The following SNX29 variants were observed in gnomAD, a reference collection of about 807,000 sequenced individuals.
SNX29 encodes the protein sorting nexin 29, also known as sorting nexin-29.
SNX29 carries 78 observed loss-of-function variants against 102.1 expected under a neutral mutation model. The ratio of observed to expected loss-of-function variants is 0.76; its 90% confidence interval spans 0.64 to 0.92. SNX29 has a LOEUF of 0.92. Among genes scored for constraint, SNX29 ranks in the 40% least tolerant of loss-of-function variants. SNX29 has a pLI of 0.00. For missense variants in SNX29, 1,280 were observed against 1,061.7 expected, an observed-to-expected ratio of 1.21 and a Z score of -2.86; for synonymous variants, 580 against 414.5, an observed-to-expected ratio of 1.40 and a Z score of -4.85.
At chr16:12,359,636 T>A in intron 16 of SNX29, among the ~76,000 whole-genome samples, 1 of 152,324 alleles carries the variant, frequency 6.6e-6, no homozygotes, top group Non-Finnish European at 1.5e-5. Context: ...CAAAAACCCA[T>A]GTCCCTATCA....
intron 14 of SNX29, among the ~76,000 whole-genome samples, chr16:12,239,093 G>C (rs1355715855): frequency 2.0e-5 from 3 of 152,210 alleles, no homozygotes; most frequent in Non-Finnish European, 4.4e-5. Flanking sequence ...CACTTTGATG[G>C]AAGGGGCGTG....
rs12928426 is a variant in SNX29 at position 12,567,721 on chromosome 16, G to C, written c.2319-785G>C. ...AGGCTGCAGCAAGTTATCATTACAC[G>C]ATTGCACTGTAAAACCTGGGCAAGA... On this transcript the variant is annotated intron_variant, in intron 20 of 20. Coordinates refer to ENST00000566228, the MANE Select transcript of SNX29 (RefSeq NM_032167.5). Among the ~76,000 whole-genome samples, 98 of 152,088 alleles carry C rather than the reference G, an allele frequency of 6.4e-4. 1 individual carries two copies. The highest frequency in any genetic ancestry group is 2.2e-3 in the African/African-American group (92 of 41,490).
intron 18 of SNX29, among the ~76,000 whole-genome samples, chr16:12,470,527 G>A (rs145935760): frequency 2.3e-4 from 35 of 152,262 alleles, no homozygotes; most frequent in African/African-American, 7.9e-4. Context: ...GAGGTGCACC[G>A]AGCTTGTTCT....
At chr16:12,077,386 G>GT (rs1342348274) in intron 10 of SNX29, among the ~76,000 whole-genome samples, 3 of 142,786 alleles carry the variant, frequency 2.1e-5, no homozygotes, top group African/African-American at 7.9e-5. Context: ...TCCTAGTCAT[G>GT]GTGTGTGTGT....
intron 20 of SNX29, among the ~76,000 whole-genome samples, chr16:12,552,362 A>T (rs990673342): frequency 1.3e-4 from 20 of 152,138 alleles, no homozygotes; most frequent in Non-Finnish European, 2.9e-4. Context: ...ATAAGCCAAT[A>T]CACGTGTAAG....
intron 14 of SNX29, among the ~76,000 whole-genome samples, chr16:12,222,491 C>T (rs940236738): frequency 3.4e-4 from 52 of 152,282 alleles, no homozygotes; most frequent in African/African-American, 1.1e-3. Context: ...GGCAGCTTCC[C>T]GCTGGGCTTC....
intron 18 of SNX29, among the ~76,000 whole-genome samples, chr16:12,464,100 G>C (rs1263159443): frequency 6.6e-6 from 1 of 151,872 alleles, no homozygotes; most frequent in Non-Finnish European, 1.5e-5. Flanking sequence ...CCGCCTGTAA[G>C]TGAAGTCAGG....
At chr16:12,320,356 C>T (rs1018343485) in intron 15 of SNX29, among the ~76,000 whole-genome samples, 8 of 152,086 alleles carry the variant, frequency 5.3e-5, no homozygotes, top group African/African-American at 1.9e-4. Flanking sequence ...AGAACCATGC[C>T]TGTCTTCCTG....
chr16:12,543,267 C>T (rs978889619), intron 20 of SNX29, among the ~76,000 whole-genome samples: 3 of 152,202 alleles, frequency 2.0e-5, no homozygotes, highest in African/African-American at 7.2e-5. Context: ...TCTGGGTCAT[C>T]AGCGCATGCA....
At chr16:12,357,971 ATTATATGACTGTG>A (rs1038794782) in intron 16 of SNX29, among the ~76,000 whole-genome samples, 15 of 152,242 alleles carry the variant, frequency 9.9e-5, no homozygotes, top group African/African-American at 3.6e-4. Context: ...AATTTTGCTG[ATTATATGACTGTG>A]TCGTTGGGTG....
At chr16:12,556,212 C>G (rs544250417) in intron 20 of SNX29, 2 of 152,276 alleles carry the variant, frequency 1.3e-5, no homozygotes, top group South Asian at 2.1e-4. Context: ...AACCTAGGGT[C>G]TTCCAATTGT....
intron 20 of SNX29, among the ~76,000 whole-genome samples, chr16:12,544,589 T>C (rs934327008): frequency 3.3e-5 from 5 of 152,226 alleles, no homozygotes; most frequent in African/African-American, 4.8e-5. Context: ...AGGCATTTCT[T>C]AATGAGTTGT....
chr16:12,462,843 C>T (rs187027557), intron 18 of SNX29, among the ~76,000 whole-genome samples: 13 of 152,342 alleles, frequency 8.5e-5, no homozygotes, highest in Admixed American at 3.3e-4. Flanking sequence ...TTTAGCAATG[C>T]ACATGGCTAA....
chr16:12,512,227 GC>G (rs2089651699), intron 19 of SNX29, among the ~76,000 whole-genome samples: 4 of 150,988 alleles, frequency 2.6e-5, no homozygotes, highest in Admixed American at 6.6e-5. Flanking sequence ...GTGTGAAAGT[GC>G]CCAGGGAGTG....
intron 20 of SNX29, among the ~76,000 whole-genome samples, chr16:12,560,137 C>CG (rs1164479707): frequency 5.8e-5 from 2 of 34,646 alleles, no homozygotes; most frequent in African/African-American, 1.6e-4. Flanking sequence ...TGTTCCCCTC[C>CG]CCCCCCCAAC....
chr16:12,547,596 C>T (rs931723779), intron 20 of SNX29, among the ~76,000 whole-genome samples: 1 of 152,230 alleles, frequency 6.6e-6, no homozygotes, highest in East Asian at 1.9e-4. Flanking sequence ...AATACACCCC[C>T]ACGAAGTCAG....
chr16:12,019,765 T>A (rs900318827), intron 3 of SNX29, among the ~76,000 whole-genome samples: 1 of 151,848 alleles, frequency 6.6e-6, no homozygotes, highest in African/African-American at 2.4e-5. Context: ...GCCTCCCAAG[T>A]AGCTGGGATT....
At chr16:11,985,076 C>G (rs781670641) in intron 1 of SNX29, among the ~76,000 whole-genome samples, 1 of 151,884 alleles carries the variant, frequency 6.6e-6, no homozygotes, top group Non-Finnish European at 1.5e-5. Context: ...GCATTAACAT[C>G]GAAGAGTTTA....
At chr16:12,067,422 CA>C (rs2051087294) in intron 9 of SNX29, among the ~76,000 whole-genome samples, 2 of 152,152 alleles carry the variant, frequency 1.3e-5, no homozygotes, top group Admixed American at 1.3e-4. Flanking sequence ...GTGCTCTCTC[CA>C]GCACCATGTT....
Sources: allele counts gnomAD v4.1 joint callset (sites outside exome capture counted in the v4.1 genomes callset), GRCh38; gene constraint gnomAD v4.1.1; transcripts MANE v1.5; gene names NCBI Gene and HGNC (gene_info 2026-07-23, HGNC 2026-07-21).